Variants in MYOM2 observed in about 807,000 individuals in gnomAD.
MYOM2 encodes myomesin 2, also known as myomesin-2.
Under a neutral mutation model 187.6 loss-of-function variants are expected in MYOM2, and 254 were observed. The ratio of observed to expected loss-of-function variants is 1.35; its 90% CI spans 1.22 to 1.50. MYOM2 has a LOEUF of 1.50. Ranked by LOEUF, MYOM2 falls within the 40% of genes most tolerant of loss-of-function variation. The pLI is 0.00. For missense variants in MYOM2, 2,796 were observed against 1,924.0 expected, an observed-to-expected ratio of 1.45 and a Z score of -8.48; for synonymous variants, 981 against 753.8, an observed-to-expected ratio of 1.30 and a Z score of -4.94.
rs556179598 is a variant in MYOM2, at chr8:2,100,746, T to C, written c.2441-130T>C. 160 of 829,720 alleles carry C rather than the reference T, an allele frequency of 1.9e-4. No homozygotes were observed. In the African/African-American group the frequency reaches 2.3e-3, roughly 12 times the overall value. 51.4% of individuals were successfully genotyped at this position (829,720 alleles called of 1,614,324 possible). A position where few individuals can be genotyped will look rare whatever the true frequency, so the allele number is the denominator to read the frequency against. On this transcript the variant is annotated intron_variant, in intron 19 of 36. Transcript: ENST00000262113. ...GCAAGAGAGGCTGATAAACATCAGA[T>C]GGGGAACAGATACGGATGGTCCTGG...
chr8:2,096,401 C>T lies in MYOM2; in HGVS notation c.2280C>T (p.Val760=). The T allele has an allele frequency of 2.5e-6, 4 of 1,614,218 alleles. No individual in the cohort carries two copies. The highest frequency in any genetic ancestry group is 1.1e-5 in the South Asian group (1 of 91,078). ...REVHHKNWHE[V]NSSPSKPTIL... ...TTCACCATAAAAACTGGCACGAGGT[C>T]AATTCCTCACCCAGCAAACCGACAA... Residue 760 remains valine (V), a synonymous_variant, in exon 18 of 37, where the codon GTC becomes GTT. Transcript: ENST00000262113.
intron 3 of MYOM2, among the ~76,000 whole-genome samples, chr8:2,055,548 G>A (rs1818635987): frequency 6.6e-6 from 1 of 152,166 alleles, no homozygotes; most frequent in African/African-American, 2.4e-5. Context: ...TGAGGTCCCC[G>A]ATTCCTAAGG....
At chr8:2,046,813 T>C (rs1459555923) in intron 1 of MYOM2, among the ~76,000 whole-genome samples, 1 of 151,740 alleles carries the variant, frequency 6.6e-6, no homozygotes, top group Non-Finnish European at 1.5e-5. Context: ...GATAGTTCCT[T>C]AAAAAGGAAA....
At chr8:2,126,857 G>C (rs1262724428) in intron 31 of MYOM2, among the ~76,000 whole-genome samples, 1 of 139,588 alleles carries the variant, frequency 7.2e-6, no homozygotes, top group African/African-American at 2.7e-5. Flanking sequence ...GAGGCTGGAG[G>C]AGCACTGGGG....
At chr8:2,047,094 C>A (rs566157353) in intron 1 of MYOM2, among the ~76,000 whole-genome samples, 5 of 152,244 alleles carry the variant, frequency 3.3e-5, no homozygotes. Context: ...AAAAACAAAT[C>A]GGGAATTGGA....
intron 32 of MYOM2, among the ~76,000 whole-genome samples, chr8:2,138,429 A>G (rs1317885499): frequency 6.6e-6 from 1 of 152,142 alleles, no homozygotes; most frequent in African/African-American, 2.4e-5. Context: ...CAACGTATAG[A>G]ATTCCAGATG....
chr8:2,065,588 C>G (rs1460526417), intron 6 of MYOM2, among the ~76,000 whole-genome samples: 1 of 152,122 alleles, frequency 6.6e-6, no homozygotes, highest in Non-Finnish European at 1.5e-5. Flanking sequence ...AGAGCCTCGG[C>G]AACTATTTTT....
intron 21 of MYOM2, among the ~76,000 whole-genome samples, chr8:2,105,585 G>C (rs905902022): frequency 6.6e-6 from 1 of 152,202 alleles, no homozygotes; most frequent in Non-Finnish European, 1.5e-5. Context: ...ATTCCAGAGA[G>C]AACAGGATCT....
intron 32 of MYOM2, among the ~76,000 whole-genome samples, chr8:2,134,258 G>A (rs36098404): frequency 0.15 from 22,794 of 151,878 alleles, 2,441 homozygotes; most frequent in African/African-American, 0.29. Context: ...GGCTCTCCTC[G>A]TCTCTCTCGG....
At chr8:2,093,681 G>A (rs10099505) in intron 16 of MYOM2, among the ~76,000 whole-genome samples, 3,793 of 152,252 alleles carry the variant, frequency 0.025, 119 homozygotes, top group African/African-American at 0.08. Flanking sequence ...ATGGCATACT[G>A]TTGGATAATA....
At chr8:2,120,696 A>T (rs867286557) in intron 28 of MYOM2, among the ~76,000 whole-genome samples, 19 of 83,866 alleles carry the variant, frequency 2.3e-4, no homozygotes, top group Non-Finnish European at 3.5e-4. Flanking sequence ...ATAAATATAT[A>T]ATATATATAT....
At position 2,140,821 on chromosome 8, in the gene MYOM2, A is replaced by C; in HGVS notation, c.3899A>C (p.Lys1300Thr). The C allele has an allele frequency of 8.1e-6, 13 of 1,614,078 alleles. No individual in the cohort carries two copies. Among genetic ancestry groups the C allele is most frequent in the Non-Finnish European group, 1.1e-5 (13 of 1,179,966 alleles). ...GAGCCGACTGAGAAGGATAAAGGAA[A>C]ATACACTTTTGAGATTTTCGATGGC... is the stretch of plus-strand genomic sequence containing the variant. The part of the protein sequence containing the change: ...ICEPTEKDKG[K>T]YTFEIFDGKD... Residue 1300 changes from lysine to threonine, a missense_variant, in exon 33 of 37, where the codon AAA becomes ACA. Physicochemically the swap from Lys to Thr is moderately conservative, Grantham distance 78 (BLOSUM62 -1). Transcript: ENST00000262113.
Position 2,078,824 on chromosome 8 carries a change from G to T in MYOM2, c.1353G>T (p.Arg451Ser), listed in dbSNP as rs1819523515. The T allele has an allele frequency of 6.2e-7, 1 of 1,614,146 alleles. No homozygotes were observed. The highest frequency in any genetic ancestry group is 1.3e-5 in the African/African-American group (1 of 75,028). Reference sequence around the variant, plus strand: ...CGGTCACAGGGCTTTTTGAAGGAAGGTCTTACATATTCCGAGTGAGGGCAG... The same window carrying T: ...CGGTCACAGGGCTTTTTGAAGGAAGTTCTTACATATTCCGAGTGAGGGCAG... ...KYPVTGLFEG[R>S]SYIFRVRAVN... is the part of the protein sequence containing the mutation. Residue 451 changes from arginine to serine, a missense_variant, in exon 12 of 37, where the codon AGG becomes AGT. Arg to Ser is a moderately radical substitution (Grantham distance 110). Transcript: ENST00000262113.
chr8:2,090,144 G>A lies in MYOM2; in HGVS notation c.1781G>A (p.Ser594Asn), dbSNP rs1436510453. ...RVLSANRHGL[S>N]EPSEITSPIQ... is the part of the protein sequence containing the mutation. ...CTGTCAGCAAACCGGCATGGCCTGA[G>A]CGAACCTTCGGAGATAACGTCCCCC... The change falls in exon 15 of 37, where the codon AGC becomes AAC. Residue 594 changes from serine (S) to asparagine (N), a missense_variant. Physicochemically the swap from Ser to Asn is conservative, Grantham distance 46. Transcript: ENST00000262113. 2.5e-6 allele frequency: 4 copies of A among 1,613,982 alleles called. No homozygotes were observed. The highest frequency in any genetic ancestry group is 1.1e-5 in the South Asian group (1 of 91,064).
intron 25 of MYOM2, among the ~76,000 whole-genome samples, chr8:2,112,990 T>C (rs1477711948): frequency 2.0e-5 from 3 of 152,212 alleles, no homozygotes; most frequent in Non-Finnish European, 4.4e-5. Flanking sequence ...AAGAGCCTCC[T>C]TGGGTCCTGG....
At chr8:2,102,832 G>A in intron 21 of MYOM2, 51 bp downstream of exon 21, 2 of 1,439,526 alleles carry the variant, frequency 1.4e-6, no homozygotes, top group Non-Finnish European at 1.9e-6. Flanking sequence ...TGGGGAGAGT[G>A]TGCATGTATT....
chr8:2,073,124 A>G (rs1819292053), intron 9 of MYOM2, among the ~76,000 whole-genome samples: 1 of 152,170 alleles, frequency 6.6e-6, no homozygotes, highest in Non-Finnish European at 1.5e-5. Flanking sequence ...GACCCACTCA[A>G]GTGGCAGCCT....
At chr8:2,124,300 G>C in intron 31 of MYOM2, 83 bp downstream of exon 31, 1 of 1,382,400 alleles carries the variant, frequency 7.2e-7, no homozygotes, top group East Asian at 2.4e-5. Context: ...TGCTGCAAAA[G>C]AGGGCACCAT....
intron 32 of MYOM2, among the ~76,000 whole-genome samples, chr8:2,132,988 G>C (rs34777346): frequency 0.14 from 21,100 of 152,028 alleles, 2,578 homozygotes; most frequent in African/African-American, 0.31. Context: ...GTGACGGGAC[G>C]TTCCCTTTGT....
Sources: allele counts gnomAD v4.1 joint callset (sites outside exome capture counted in the v4.1 genomes callset), GRCh38; gene constraint gnomAD v4.1.1; transcripts MANE v1.5; gene names NCBI Gene and HGNC (gene_info 2026-07-23, HGNC 2026-07-21).